The following FCHO1 variants were observed in gnomAD, a reference collection of about 807,000 sequenced individuals.
FCHO1 encodes the protein F-BAR domain only protein 1.
Under a neutral mutation model 114.4 loss-of-function variants are expected in FCHO1, and 45 were observed. The ratio of observed to expected loss-of-function variants is 0.39; its 90% CI spans 0.31 to 0.50. The LOEUF is 0.50. Ranked by LOEUF, FCHO1 falls within the 20% of genes least tolerant of loss-of-function variation. The pLI is 0.77. For synonymous variants in FCHO1, 480 were observed against 488.9 expected, an observed-to-expected ratio of 0.98 and a Z score of 0.24; for missense variants, 1,042 against 1,209.6, an observed-to-expected ratio of 0.86 and a Z score of 2.06.
At position 17,772,704 on chromosome 19, in the gene FCHO1, G is replaced by A; in HGVS notation, c.753G>A (p.Lys251=). The change falls in exon 11 of 29, where the codon AAG becomes AAA. Residue 251 remains lysine (K), a synonymous_variant. Transcript: ENST00000596536. ...ENVSVEMLLR[K]FAESKGTGRE... ...TCAGCGTGGAGATGCTACTCAGGAA[G>A]TTTGCAGAGAGTAAGGGCACAGGCC... 1 of 1,614,200 alleles carries A rather than the reference G, an allele frequency of 6.2e-7. No homozygotes were observed. The highest frequency in any genetic ancestry group is 8.5e-7 in the Non-Finnish European group (1 of 1,180,042).
At position 17,782,983 on chromosome 19, in the gene FCHO1, C is replaced by G. The variant is rs780636977; in HGVS notation, c.1938-34C>G. ...GAAGGATGAGGCACCAGGCAGAGCC[C>G]TAAGCCAACACCCAGTCCCCTCATC... On this transcript the variant is annotated intron_variant, in intron 23 of 28. Transcript: ENST00000596536. 3 of 1,609,238 alleles carry G rather than the reference C, an allele frequency of 1.9e-6. 1 individual carries two copies. The South Asian group carries it at 3.3e-5, about 18-fold the overall frequency.
Position 17,776,549 on chromosome 19 carries a change from C to G in FCHO1, c.1208-86C>G. 2 of 1,488,064 alleles carry G rather than the reference C, an allele frequency of 1.3e-6. No individual in the cohort carries two copies. The allele number at this position is 1,488,064 out of a possible 1,614,324, so 92.2% of individuals were successfully genotyped here. Reference sequence around the variant, plus strand: ...TCACCTTGGGCAACTGGCTGGACACCCCCGAGCCTCGGTCCCTTGGTCTGT... The same window carrying G: ...TCACCTTGGGCAACTGGCTGGACACGCCCGAGCCTCGGTCCCTTGGTCTGT... On this transcript the variant is annotated intron_variant, in intron 17 of 28. Coordinates refer to ENST00000596536, the MANE Select transcript of FCHO1 (RefSeq NM_015122.3). This position sits in a 1 kb window ranked among gnomAD's most constrained non-coding sequence, Gnocchi z 4.4.
At position 17,784,290 on chromosome 19, in the gene FCHO1, C is replaced by A; in HGVS notation, c.2226+55C>A. ...GTGGTGGAGTGGGGGACACGGTGAG[C>A]CGGCAGCAGACATGGAGGCGCCTGC... On this transcript the variant is annotated intron_variant, in intron 25 of 28. Coordinates refer to ENST00000596536, the MANE Select transcript of FCHO1 (RefSeq NM_015122.3). The surrounding 1 kb of genome is among the most constrained non-coding windows in gnomAD (Gnocchi z 5.3). 1 of 1,543,436 alleles carries A rather than the reference C, an allele frequency of 6.5e-7. No individual in the cohort carries two copies. The highest frequency in any genetic ancestry group is 8.8e-7 in the Non-Finnish European group (1 of 1,142,296).
In FCHO1 at chr19:17,775,128, T is replaced by C; in HGVS notation, c.945+48T>C. On this transcript the variant is annotated intron_variant, in intron 14 of 28. Transcript: ENST00000596536. The surrounding 1 kb of genome is among the most constrained non-coding windows in gnomAD (Gnocchi z 5.1). ...GGCTGGGCTACAAGTGGAAGGAGTT[T>C]GATCCCACTCTTGGCTCCTAGAGTC... 1.9e-6 allele frequency: 3 copies of C among 1,587,898 alleles called. No homozygotes were observed. Among genetic ancestry groups the C allele is most frequent in the Non-Finnish European group, 2.6e-6 (3 of 1,162,282 alleles).
chr19:17,780,080 T>A (rs770584107), intron 20 of FCHO1, among the ~76,000 whole-genome samples: 22 of 150,212 alleles, frequency 1.5e-4, no homozygotes, highest in Admixed American at 2.7e-4. Flanking sequence ...CCTGGCACCC[T>A]CCATAGGAAA....
At chr19:17,774,738 T>C in intron 13 of FCHO1, 1 of 586,882 alleles carries the variant, frequency 1.7e-6, no homozygotes, top group South Asian at 2.1e-5. Context: ...ACGTAGCATC[T>C]TCCCTGCCCA....
rs771440798 is a variant in FCHO1 at position 17,776,659 on chromosome 19, G to T, written c.1232G>T (p.Arg411Ile). Residue 411 changes from arginine to isoleucine, a missense_variant, in exon 18 of 29, where the codon AGA (arginine) becomes ATA (isoleucine). Arg to Ile is a moderately conservative substitution (Grantham distance 97, BLOSUM62 -3). Transcript: ENST00000596536. This position sits in a 1 kb window ranked among gnomAD's most constrained non-coding sequence, Gnocchi z 4.4. ...GGGGACGCTGCTGGGAAACCCCAGA[G>T]ACCTCGGTCTGCCCCCAGAACCAGC... is the stretch of plus-strand genomic sequence containing the variant. ...SSRDAAGKPQ[R>I]PRSAPRTSSC... is the part of the protein sequence containing the mutation. The T allele has an allele frequency of 6.2e-7, 1 of 1,613,874 alleles. No homozygotes were observed. Among genetic ancestry groups the T allele is most frequent in the Admixed American group, 1.7e-5 (1 of 60,006 alleles).
At chr19:17,769,780 G>T (rs1469209298) in intron 7 of FCHO1, among the ~76,000 whole-genome samples, 1 of 152,204 alleles carries the variant, frequency 6.6e-6, no homozygotes, top group Admixed American at 6.5e-5. Flanking sequence ...ATATATGGGA[G>T]GCTTTTTCCT....
In FCHO1 at chr19:17,762,812, G is replaced by T. The variant is rs997789207; in HGVS notation, c.78G>T (p.Gly26=). Reference sequence around the variant, plus strand: ...TCCTGTACCACAGCGTGAAGCAGGGGCCCATCTCCACCAAGGAGCTGGCGG... The same window carrying T: ...TCCTGTACCACAGCGTGAAGCAGGGTCCCATCTCCACCAAGGAGCTGGCGG... The part of the protein sequence containing the change: ...FEVLYHSVKQ[G]PISTKELADF... Residue 26 remains glycine, a synonymous_variant, in exon 5 of 29, where the codon GGG becomes GGT. Coordinates refer to ENST00000596536, the MANE Select transcript of FCHO1 (RefSeq NM_015122.3). The T allele has an allele frequency of 6.2e-7, 1 of 1,613,888 alleles. No homozygotes were observed. Among genetic ancestry groups the T allele is most frequent in the African/African-American group, 1.3e-5 (1 of 74,900 alleles).
rs574172204 is a variant in FCHO1, at chr19:17,781,897, C to T, written c.1937+77C>T. On this transcript the variant is annotated intron_variant, in intron 23 of 28. Coordinates refer to ENST00000596536, the MANE Select transcript of FCHO1 (RefSeq NM_015122.3). The stretch of plus-strand genomic sequence containing the variant: ...CCAGCAGGGACAGCTTTCAGATGTG[C>T]TTCATGGTCTGTCTTATAGTGAAAG... The T allele has an allele frequency of 6.2e-6, 6 of 969,416 alleles. No individual in the cohort carries two copies. The South Asian group carries it at 6.4e-5, about 10-fold the overall frequency. 60.1% of individuals were successfully genotyped at this position (969,416 alleles called of 1,614,324 possible). A position where few individuals can be genotyped will look rare whatever the true frequency, so the allele number is the denominator to read the frequency against.
Position 17,781,555 on chromosome 19 carries a change from C to G in FCHO1, c.1828+16C>G. On this transcript the variant is annotated intron_variant, in intron 22 of 28. Coordinates refer to ENST00000596536, the MANE Select transcript of FCHO1 (RefSeq NM_015122.3). ...ACAGGACACGGTATGTGAGGGCGGT[C>G]CTGGGCCTGGCTTTGGGCCTCAGTG... The G allele has an allele frequency of 6.2e-7, 1 of 1,613,434 alleles. No homozygotes were observed. The highest frequency in any genetic ancestry group is 8.5e-7 in the Non-Finnish European group (1 of 1,179,636).
At chr19:17,761,004 C>T (rs2085916999) in intron 4 of FCHO1, among the ~76,000 whole-genome samples, 1 of 152,116 alleles carries the variant, frequency 6.6e-6, no homozygotes, top group South Asian at 2.1e-4. Context: ...CAGTGACTTG[C>T]CTGGGTCACA....
chr19:17,755,655 G>A (rs2083222832), intron 4 of FCHO1: 1 of 151,856 alleles, frequency 6.6e-6, no homozygotes, highest in African/African-American at 2.4e-5. Flanking sequence ...AAGGGCTGCT[G>A]AGTGAGACAG....
intron 7 of FCHO1, 117 bp from the exon 8 acceptor site, chr19:17,770,308 A>C (rs2091103421): frequency 8.8e-7 from 1 of 1,138,752 alleles, no homozygotes; most frequent in Non-Finnish European, 1.2e-6. Context: ...TCTAAAAAAA[A>C]CCAAACCAAA....
intron 28 of FCHO1, among the ~76,000 whole-genome samples, 182 bp downstream of exon 28, chr19:17,788,028 CT>C (rs963568256): frequency 5.3e-5 from 8 of 152,070 alleles, no homozygotes; most frequent in African/African-American, 1.9e-4. Flanking sequence ...GTATCTGGGG[CT>C]GGCCCTTGGA....
chr19:17,778,273 A>T, intron 19 of FCHO1, 45 bp downstream of exon 19: 1 of 1,447,862 alleles, frequency 6.9e-7, no homozygotes, highest in East Asian at 2.5e-5. Context: ...GGCCGGAGGG[A>T]GGTTGGGTGG....
chr19:17,777,192 G>A (rs1425388199), intron 18 of FCHO1, among the ~76,000 whole-genome samples: 1 of 152,134 alleles, frequency 6.6e-6, no homozygotes, highest in African/African-American at 2.4e-5. Flanking sequence ...TCTGGGTTCT[G>A]AGACAGGTCT....
intron 27 of FCHO1, 116 bp from the exon 28 acceptor site, chr19:17,787,566 A>T: frequency 8.4e-7 from 1 of 1,184,770 alleles, no homozygotes; most frequent in East Asian, 2.6e-5. Flanking sequence ...GGGAGGTCTG[A>T]TGGGGCACAT....
At chr19:17,748,133 C>T (rs2081004356), upstream of FCHO1, among the ~76,000 whole-genome samples, 1 of 152,164 alleles carries the variant, frequency 6.6e-6, no homozygotes, top group Admixed American at 6.5e-5. Flanking sequence ...GGTTCTGGGG[C>T]TGCAAAGATG....
Sources: gnomAD v4.1 joint callset for allele counts (sites outside exome capture counted in the v4.1 genomes callset) on GRCh38, gnomAD v4.1.1 for gene constraint, Gnocchi (gnomAD v3.1) non-coding constraint, MANE v1.5 for transcripts, NCBI Gene and HGNC (gene_info 2026-07-23, HGNC 2026-07-21) for gene names.